Variants in AMZ1 observed in about 807,000 individuals in gnomAD.
AMZ1 encodes the protein archaemetzincin-1.
In AMZ1, 39 loss-of-function variants were observed where a neutral mutation model predicts 29.9. That is an observed-to-expected ratio of 1.30 (90% CI 1.01 to 1.70). AMZ1 has a LOEUF of 1.70. Among genes scored for constraint, AMZ1 ranks in the 40% most tolerant of loss-of-function variants. AMZ1 has a pLI of 0.00. For synonymous variants in AMZ1, 458 were observed against 304.0 expected (o/e 1.51, Z -5.27); for missense variants, 1,041 against 680.6 (o/e 1.53, Z -5.89).
intron 4 of AMZ1, among the ~76,000 whole-genome samples, chr7:2,727,076 A>G (rs1428191430): frequency 6.6e-6 from 1 of 152,186 alleles, no homozygotes; most frequent in African/African-American, 2.4e-5. Context: ...CCTCTGGAAC[A>G]CAACTTTATT....
intron 4 of AMZ1, among the ~76,000 whole-genome samples, chr7:2,753,101 T>G (rs1246767163): frequency 6.6e-6 from 1 of 152,178 alleles, no homozygotes; most frequent in African/African-American, 2.4e-5. Context: ...TTTCTGTTCC[T>G]ATAGTTTTGC....
chr7:2,714,438 C>T lies in AMZ1; in HGVS notation c.*1560C>T, dbSNP rs903564351. On this transcript the variant is annotated 3_prime_UTR_variant, in exon 7 of 7. Coordinates refer to ENST00000683327, the MANE Select transcript of AMZ1 (RefSeq NM_001384743.1). ...AAGCAAAGATGCAGCTCAGAAGTAG[C>T]ATTAGGATCTTCGTCCCGTTCTCTT... The T allele has an allele frequency of 7.9e-5, 12 of 152,324 alleles. No individual in the cohort carries two copies. Among genetic ancestry groups the T allele is most frequent in the African/African-American group, 2.7e-4 (11 of 41,418 alleles). 9.4% of individuals were successfully genotyped at this position (152,324 alleles called of 1,614,324 possible).
intron 3 of AMZ1, among the ~76,000 whole-genome samples, chr7:2,705,508 C>T (rs555455474): frequency 8.7e-4 from 132 of 152,332 alleles, no homozygotes; most frequent in Non-Finnish European, 5.4e-4. Context: ...ACCCCTCTAC[C>T]GGCCACCAAA....
rs202064534 is a variant in AMZ1, at chr7:2,709,651, C to A, written c.783C>A (p.His261Gln). ...GGCCTTCCCCCCAGGTCACGTGCCA[C>A]GAGCTCTGCCACCTTCTGGGCCTGG... ...GMVQCCKVTC[H>Q]ELCHLLGLGN... is the part of the protein sequence containing the mutation. Residue 261 changes from histidine to glutamine, a missense_variant, in exon 6 of 7, where the codon CAC (histidine) becomes CAA (glutamine). His to Gln is a conservative substitution (Grantham distance 24). Coordinates refer to ENST00000683327, the MANE Select transcript of AMZ1 (RefSeq NM_001384743.1). 5 of 1,608,936 alleles carry A rather than the reference C, an allele frequency of 3.1e-6. No homozygotes were observed. Among genetic ancestry groups the A allele is most frequent in the Admixed American group, 1.7e-5 (1 of 59,812 alleles).
chr7:2,698,906 G>C (rs551015128), intron 1 of AMZ1, among the ~76,000 whole-genome samples: 2 of 152,246 alleles, frequency 1.3e-5, no homozygotes, highest in African/African-American at 4.8e-5. Flanking sequence ...GCTGTTTCTG[G>C]TTTTCCGGCT....
At chr7:2,749,263 A>G (rs1463296888) in intron 4 of AMZ1, among the ~76,000 whole-genome samples, 2 of 152,218 alleles carry the variant, frequency 1.3e-5, no homozygotes, top group Non-Finnish European at 2.9e-5. Flanking sequence ...AACCAACCCA[A>G]ATGTCCAACA....
intron 4 of AMZ1, among the ~76,000 whole-genome samples, chr7:2,753,612 T>C (rs1237387427): frequency 2.0e-5 from 3 of 152,248 alleles, no homozygotes; most frequent in African/African-American, 7.2e-5. Context: ...TGGTTGTTTC[T>C]GTATTTTAGC....
chr7:2,747,066 T>A (rs1178404095), intron 4 of AMZ1, among the ~76,000 whole-genome samples: 1 of 152,146 alleles, frequency 6.6e-6, no homozygotes, highest in East Asian at 1.9e-4. Flanking sequence ...GCAGATGGAT[T>A]CAACAGCCGA....
chr7:2,733,462 T>C, intron 4 of AMZ1: 1 of 1,613,902 alleles, frequency 6.2e-7, no homozygotes, highest in South Asian at 1.1e-5. Context: ...AGCTGGCCGA[T>C]CCGGTCCAAG....
intron 4 of AMZ1, among the ~76,000 whole-genome samples, chr7:2,744,864 T>A (rs1583225552): frequency 6.6e-6 from 1 of 152,020 alleles, no homozygotes; most frequent in African/African-American, 2.4e-5. Flanking sequence ...GAGAACTACC[T>A]GAGGAATGCA....
chr7:2,743,561 C>T (rs1790611921), intron 4 of AMZ1, among the ~76,000 whole-genome samples: 1 of 152,138 alleles, frequency 6.6e-6, no homozygotes. Context: ...CAGGGAGGAT[C>T]CAAGATGGCC....
chr7:2,732,597 A>G (rs1010153687), intron 4 of AMZ1, among the ~76,000 whole-genome samples: 1 of 152,190 alleles, frequency 6.6e-6, no homozygotes, highest in Non-Finnish European at 1.5e-5. Flanking sequence ...ACCTCCCGTG[A>G]TGAGTGCACA....
intron 4 of AMZ1, among the ~76,000 whole-genome samples, chr7:2,746,468 A>G: frequency 6.6e-6 from 1 of 152,250 alleles, no homozygotes; most frequent in Admixed American, 6.5e-5. Flanking sequence ...CTTTGAAACC[A>G]ACGAGAACAA....
At position 2,712,984 on chromosome 7, in the gene AMZ1, C is replaced by T. The variant is rs1283491120; in HGVS notation, c.*106C>T. 1 of 1,278,564 alleles carries T rather than the reference C, an allele frequency of 7.8e-7. No homozygotes were observed. The highest frequency in any genetic ancestry group is 1.5e-5 in the African/African-American group (1 of 65,016). The allele number at this position is 1,278,564 out of a possible 1,614,324, so 79.2% of individuals were successfully genotyped here. A position where few individuals can be genotyped will look rare whatever the true frequency, so the allele number is the denominator to read the frequency against. ...CCAGGGATAAAGAGGAAGGGTCTGCCTGGGTGGTGGCTCAGGCCTGTCATC... is the reference window on the plus strand; with the variant it reads ...CCAGGGATAAAGAGGAAGGGTCTGCTTGGGTGGTGGCTCAGGCCTGTCATC... On this transcript the variant is annotated 3_prime_UTR_variant, in exon 7 of 7. Transcript: ENST00000683327.
At chr7:2,708,784 C>T in intron 4 of AMZ1, 68 bp downstream of exon 4, 1 of 1,603,700 alleles carries the variant, frequency 6.2e-7, no homozygotes, top group Non-Finnish European at 8.5e-7. Flanking sequence ...TCCGTGGCTG[C>T]AGGGCACCCT....
At chr7:2,727,165 T>TCTGCCTAC (rs1204175145) in intron 4 of AMZ1, among the ~76,000 whole-genome samples, 2 of 152,176 alleles carry the variant, frequency 1.3e-5, no homozygotes, top group African/African-American at 2.4e-5. Context: ...CACTGCAACC[T>TCTGCCTAC]CTGCCTACCG....
chr7:2,760,445 G>A (rs932154706), upstream of AMZ1: 1 of 152,536 alleles, frequency 6.6e-6, no homozygotes, highest in Non-Finnish European at 1.5e-5. Context: ...CGGACGCTGT[G>A]GTAAGCACCT....
At chr7:2,696,835 A>G (rs569706813) in intron 1 of AMZ1, among the ~76,000 whole-genome samples, 46 of 152,210 alleles carry the variant, frequency 3.0e-4, no homozygotes, top group African/African-American at 1.1e-3. Context: ...GCAGTGAGCA[A>G]AGATCGTGCT....
At position 2,712,724 on chromosome 7, in the gene AMZ1, C is replaced by A. The variant is rs369125900; in HGVS notation, c.1343C>A (p.Pro448Gln). 5 of 1,608,474 alleles carry A rather than the reference C, an allele frequency of 3.1e-6. No individual in the cohort carries two copies. The highest frequency in any genetic ancestry group is 2.7e-5 in the African/African-American group (2 of 74,884). ...DRWEMFTGQL[P>Q]ATRQDPPSSR... ...TGGGAGATGTTCACGGGCCAGCTCC[C>A]GGCCACCAGGCAGGACCCACCCAGC... is the stretch of plus-strand genomic sequence containing the variant. The change falls in exon 7 of 7, where the codon CCG becomes CAG. Residue 448 changes from proline (P) to glutamine (Q), a missense_variant. Coordinates refer to ENST00000683327, the MANE Select transcript of AMZ1 (RefSeq NM_001384743.1).
Sources: allele counts gnomAD v4.1 joint callset (sites outside exome capture counted in the v4.1 genomes callset), GRCh38; gene constraint gnomAD v4.1.1; transcripts MANE v1.5; gene names NCBI Gene and HGNC (gene_info 2026-07-23, HGNC 2026-07-21).